NR2C2: variants seen among roughly 807,000 people sequenced by gnomAD.
NR2C2 encodes Nuclear hormone receptor TR4.
In NR2C2, 6 loss-of-function variants were observed where a neutral mutation model predicts 62.9. The ratio of observed to expected loss-of-function variants is 0.10; its 90% CI spans 0.05 to 0.19. NR2C2 has a LOEUF of 0.19. Among genes scored for constraint, NR2C2 ranks in the 10% least tolerant of loss-of-function variants. The pLI is 1.00. For synonymous variants in NR2C2, 272 were observed against 273.8 expected (o/e 0.99, Z 0.07); for missense variants, 479 against 762.7 (o/e 0.63, Z 4.38).
chr3:14,985,955 A>C (rs1045876099), intron 1 of NR2C2, among the ~76,000 whole-genome samples: 3 of 152,024 alleles, frequency 2.0e-5, no homozygotes, highest in Non-Finnish European at 4.4e-5. Context: ...TTTTTTTCCC[A>C]ACAGTTTTTT....
At chr3:15,030,587 G>T in intron 9 of NR2C2, 135 bp downstream of exon 9, 1 of 803,456 alleles carries the variant, frequency 1.2e-6, no homozygotes. Flanking sequence ...TAGCACTTCG[G>T]GAGGCCAAGG....
chr3:14,968,209 A>T (rs184849428), intron 1 of NR2C2, among the ~76,000 whole-genome samples: 2,398 of 152,262 alleles, frequency 0.016, 68 homozygotes, highest in African/African-American at 0.053. Context: ...GCAACCTACA[A>T]AATGGGAGAA....
intron 2 of NR2C2, among the ~76,000 whole-genome samples, chr3:15,004,794 G>A (rs2041120738): frequency 6.6e-6 from 1 of 152,134 alleles, no homozygotes; most frequent in East Asian, 1.9e-4. Context: ...GTTGTTAGTT[G>A]CATATATGTT....
chr3:14,953,686 G>A (rs1368705864), intron 1 of NR2C2, among the ~76,000 whole-genome samples: 3 of 152,080 alleles, frequency 2.0e-5, no homozygotes, highest in Admixed American at 6.6e-5. Context: ...ATGAGGTCAG[G>A]AGTTCAAGAC....
chr3:14,966,311 G>A (rs2039855111), intron 1 of NR2C2, among the ~76,000 whole-genome samples: 2 of 152,178 alleles, frequency 1.3e-5, no homozygotes, highest in African/African-American at 4.8e-5. Context: ...CCCGAGATAG[G>A]CTACACTAGT....
At chr3:15,000,158 C>G (rs116608674) in intron 1 of NR2C2, among the ~76,000 whole-genome samples, 1,668 of 152,240 alleles carry the variant, frequency 0.011, 34 homozygotes, top group African/African-American at 0.037. Flanking sequence ...TTTGACCTGA[C>G]TTTCATCTCC....
At chr3:14,981,331 C>T (rs1574957612) in intron 1 of NR2C2, among the ~76,000 whole-genome samples, 1 of 151,970 alleles carries the variant, frequency 6.6e-6, no homozygotes. Flanking sequence ...AGGCCGGGCG[C>T]GGTGCCTCAC....
chr3:15,023,065 C>T, intron 5 of NR2C2, 135 bp from the exon 6 acceptor site: 1 of 947,974 alleles, frequency 1.1e-6, no homozygotes, highest in Non-Finnish European at 1.5e-6. Flanking sequence ...CCGAAAAGTC[C>T]ACTGTGAAAG....
intron 1 of NR2C2, among the ~76,000 whole-genome samples, chr3:14,989,357 A>G (rs763381524): frequency 1.3e-5 from 2 of 152,120 alleles, no homozygotes; most frequent in Non-Finnish European, 2.9e-5. Context: ...TCAATCTTGT[A>G]TTCATGTGCC....
chr3:14,969,231 CTAAA>C (rs1163852687), intron 1 of NR2C2, among the ~76,000 whole-genome samples: 11 of 149,404 alleles, frequency 7.4e-5, no homozygotes, highest in East Asian at 5.9e-4. Flanking sequence ...TCTTCATTGC[CTAAA>C]TAAAGATTCT....
At chr3:15,003,112 ATT>A (rs35768154) in intron 1 of NR2C2, among the ~76,000 whole-genome samples, 74 of 134,706 alleles carry the variant, frequency 5.5e-4, no homozygotes, top group Admixed American at 6.9e-4. Flanking sequence ...TGCCTGGCTA[ATT>A]TTTTTTTTTT....
rs1222273637 is a variant in NR2C2, at chr3:15,044,223, C to T, written c.*1215C>T. ...TTTCAGGACAATTTCTTCCTGTTGA[C>T]CTTAAATACCAGAGATTTTAAAAAT... is the stretch of plus-strand genomic sequence containing the variant. On this transcript the variant is annotated 3_prime_UTR_variant, in exon 14 of 14. Transcript: ENST00000425241. 2.6e-5 allele frequency: 4 copies of T among 152,304 alleles called. No individual in the cohort carries two copies. The East Asian group carries it at 7.7e-4, about 29-fold the overall frequency. 9.4% of individuals were successfully genotyped at this position (152,304 alleles called of 1,614,324 possible). A position where few individuals can be genotyped will look rare whatever the true frequency, so the allele number is the denominator to read the frequency against.
Position 15,043,238 on chromosome 3 carries a change from C to A in NR2C2, c.*230C>A. 2.8e-6 allele frequency: 1 copy of A among 355,802 alleles called. No homozygotes were observed. Among genetic ancestry groups the A allele is most frequent in the Non-Finnish European group, 5.0e-6 (1 of 200,656 alleles). The allele number at this position is 355,802 out of a possible 1,614,324, so 22.0% of individuals were successfully genotyped here. A position where few individuals can be genotyped will look rare whatever the true frequency, so the allele number is the denominator to read the frequency against. On this transcript the variant is annotated 3_prime_UTR_variant, in exon 14 of 14. Coordinates refer to ENST00000425241, the MANE Select transcript of NR2C2 (RefSeq NM_001291694.2). ...TTTGATGAAGCAGCAGATTTTGGAACAATCTTTTAACTCAATTTGTATTTA... is the reference window on the plus strand; with the variant it reads ...TTTGATGAAGCAGCAGATTTTGGAAAAATCTTTTAACTCAATTTGTATTTA...
chr3:15,018,312 T>C (rs536891708), intron 4 of NR2C2, among the ~76,000 whole-genome samples: 5 of 152,248 alleles, frequency 3.3e-5, no homozygotes, highest in African/African-American at 9.6e-5. Context: ...CACTTTTTAA[T>C]GTCATTGATA....
At chr3:14,990,920 T>G (rs1310254641) in intron 1 of NR2C2, among the ~76,000 whole-genome samples, 2 of 152,258 alleles carry the variant, frequency 1.3e-5, no homozygotes, top group Non-Finnish European at 2.9e-5. Context: ...AACTTGTATT[T>G]GAATATGCTG....
intron 3 of NR2C2, among the ~76,000 whole-genome samples, chr3:15,014,404 C>G (rs927009077): frequency 1.4e-4 from 21 of 151,882 alleles, no homozygotes; most frequent in African/African-American, 4.6e-4. Context: ...AATTAGAGAA[C>G]AGAAACTCAA....
At chr3:14,965,360 G>A (rs959829462) in intron 1 of NR2C2, among the ~76,000 whole-genome samples, 3 of 151,864 alleles carry the variant, frequency 2.0e-5, no homozygotes, top group African/African-American at 7.3e-5. Context: ...AAGTCGTCAG[G>A]CAACATCATT....
At chr3:14,999,446 G>T (rs1021207569) in intron 1 of NR2C2, among the ~76,000 whole-genome samples, 3 of 152,128 alleles carry the variant, frequency 2.0e-5, no homozygotes, top group African/African-American at 7.2e-5. Context: ...AACCATAATT[G>T]TGCTACTGCG....
intron 1 of NR2C2, among the ~76,000 whole-genome samples, chr3:14,965,538 A>C (rs1459354868): frequency 6.7e-6 from 1 of 148,498 alleles, no homozygotes; most frequent in African/African-American, 2.6e-5. Context: ...AAAAAAAAAA[A>C]AAAAAAAAGC....
Sources: gnomAD v4.1 joint callset for allele counts (sites outside exome capture counted in the v4.1 genomes callset) on GRCh38, gnomAD v4.1.1 for gene constraint, MANE v1.5 for transcripts, NCBI Gene and HGNC (gene_info 2026-07-23, HGNC 2026-07-21) for gene names.